The following FANCD2 variants were observed in gnomAD, a reference collection of about 807,000 sequenced individuals.
FANCD2 encodes FA complementation group D2, also known as Fanconi anemia group D2 protein.
Under a neutral mutation model 192.3 loss-of-function variants are expected in FANCD2, and 131 were observed. That is an observed-to-expected ratio of 0.68 (90% CI 0.59 to 0.79). The LOEUF (loss-of-function observed/expected upper bound fraction) is 0.79. Ranked by LOEUF, FANCD2 falls within the 30% of genes least tolerant of loss-of-function variation. The pLI is 0.00. For missense variants in FANCD2, 1,508 were observed against 1,701.6 expected, an observed-to-expected ratio of 0.89 and a Z score of 2.00; for synonymous variants, 524 against 612.5, an observed-to-expected ratio of 0.86 and a Z score of 2.13.
At chr3:10,047,056 A>T (rs77210797) in intron 15 of FANCD2, among the ~76,000 whole-genome samples, 1 of 152,252 alleles carries the variant, frequency 6.6e-6, no homozygotes, top group African/African-American at 2.4e-5. Context: ...AGAAATGTAA[A>T]TTATTCAAAG....
intron 2 of FANCD2, among the ~76,000 whole-genome samples, chr3:10,032,026 G>A (rs905464192): frequency 3.9e-5 from 6 of 152,096 alleles, no homozygotes; most frequent in Admixed American, 3.3e-4. Context: ...TGTATTTTTA[G>A]TAGAGATGGG....
chr3:10,047,729 A>G (rs1442781257), intron 15 of FANCD2, among the ~76,000 whole-genome samples, 188 bp from the exon 16 acceptor site: 1 of 152,256 alleles, frequency 6.6e-6, no homozygotes, highest in African/African-American at 2.4e-5. Context: ...GTGGAATCCC[A>G]TTGATGCTGA....
intron 26 of FANCD2, among the ~76,000 whole-genome samples, chr3:10,069,576 C>CGAG (rs1693051349): frequency 6.6e-6 from 1 of 151,210 alleles, no homozygotes. Flanking sequence ...ATTCTCCTGC[C>CGAG]TCAGCCTGCC....
At chr3:10,070,540 T>C (rs1693168390) in intron 26 of FANCD2, among the ~76,000 whole-genome samples, 1 of 132,524 alleles carries the variant, frequency 7.5e-6, no homozygotes, top group African/African-American at 3.0e-5. Flanking sequence ...AGCCGCCCCG[T>C]CCGGGAGGTG....
chr3:10,101,129 C>A, intron 43 of FANCD2, 59 bp from the exon 44 acceptor site: 1 of 1,292,364 alleles, frequency 7.7e-7, no homozygotes, highest in Non-Finnish European at 1.1e-6. Flanking sequence ...GAGCTGTATT[C>A]CAGAGGTCAC....
rs764807429 is a variant in FANCD2 at position 10,049,428 on chromosome 3, G to C, written c.1468G>C (p.Asp490His). 2 of 1,611,936 alleles carry C rather than the reference G, an allele frequency of 1.2e-6. No homozygotes were observed. The highest frequency in any genetic ancestry group is 2.7e-5 in the African/African-American group (2 of 74,334). Residue 490 changes from aspartate to histidine, a missense_variant, in exon 17 of 44, where the codon GAT becomes CAT. By Grantham distance (81) the Asp-to-His change is moderately conservative (BLOSUM62 -1). Around this residue, in one of 5 missense-constraint regions of FANCD2, gnomAD observed 108 missense variants for 174.1 expected, o/e 0.62. Transcript: ENST00000675286. ...HICSGNEAEV[D>H]TALDVLLELV... ...CTGCAGTGGGAATGAAGCTGAAGTT[G>C]ATACTGCCTTAGATGTCCTTCTAGA...
chr3:10,069,670 G>T (rs1436444869), intron 26 of FANCD2, among the ~76,000 whole-genome samples: 4 of 152,058 alleles, frequency 2.6e-5, no homozygotes, highest in African/African-American at 9.7e-5. Flanking sequence ...CGCTGTGTTG[G>T]CCGGGCCGGT....
At chr3:10,071,160 A>G (rs1693223110) in intron 26 of FANCD2, among the ~76,000 whole-genome samples, 2 of 151,034 alleles carry the variant, frequency 1.3e-5, no homozygotes, top group Admixed American at 6.6e-5. Flanking sequence ...AAAAAAAAAA[A>G]GATGGCTTTT....
chr3:10,086,786 C>T (rs1301318314), intron 33 of FANCD2, among the ~76,000 whole-genome samples: 2 of 152,148 alleles, frequency 1.3e-5, no homozygotes, highest in Non-Finnish European at 2.9e-5. Flanking sequence ...CCTGTGAACC[C>T]AGATTTTACA....
intron 6 of FANCD2, 74 bp from the exon 7 acceptor site, chr3:10,036,213 C>A: frequency 7.6e-7 from 1 of 1,322,848 alleles, no homozygotes; most frequent in South Asian, 1.2e-5. Flanking sequence ...CTCAGCCTCC[C>A]AAGTAGCTGG....
At position 10,098,926 on chromosome 3, in the gene FANCD2, A is replaced by G. The variant is rs191614064; in HGVS notation, c.4281+111A>G. ...CTTATGTTTATTGTCAAATGCTTCT[A>G]TGCCCATTTCCATTCCCTCCATAAC... On this transcript the variant is annotated intron_variant, in intron 43 of 43. Coordinates refer to ENST00000675286, the MANE Select transcript of FANCD2 (RefSeq NM_001018115.3). 28 of 1,614,204 alleles carry G rather than the reference A, an allele frequency of 1.7e-5. No homozygotes were observed. The African/African-American group carries it at 2.8e-4, about 16-fold the overall frequency.
At chr3:10,057,061 A>G (rs2125021853) in intron 18 of FANCD2, among the ~76,000 whole-genome samples, 2 of 152,138 alleles carry the variant, frequency 1.3e-5, no homozygotes, top group Admixed American at 1.3e-4. Flanking sequence ...TTGTCATGTT[A>G]CCCAGACTGG....
At chr3:10,089,771 A>T (rs1193335079) in intron 36 of FANCD2, among the ~76,000 whole-genome samples, 1 of 152,288 alleles carries the variant, frequency 6.6e-6, no homozygotes, top group East Asian at 1.9e-4. Context: ...CCCAGCTGAG[A>T]TATTTTAGCC....
chr3:10,039,738 C>A lies in FANCD2; in HGVS notation c.588C>A (p.Ile196=), dbSNP rs1329768362. 1 of 1,614,096 alleles carries A rather than the reference C, an allele frequency of 6.2e-7. No individual in the cohort carries two copies. Among genetic ancestry groups the A allele is most frequent in the Non-Finnish European group, 8.5e-7 (1 of 1,180,026 alleles). ...TACTGCAGGACCTCACCACCAAGAT[C>A]ATGCAGCTGATCAGTATTGCTCCAG... ...VVDGKDLTTK[I]MQLISIAPEN... Residue 196 remains isoleucine (I), a synonymous_variant, in exon 9 of 44, where the codon ATC becomes ATA. Transcript: ENST00000675286.
chr3:10,069,864 A>C (rs1693083294), intron 26 of FANCD2, among the ~76,000 whole-genome samples: 2 of 152,146 alleles, frequency 1.3e-5, no homozygotes, highest in African/African-American at 4.8e-5. Flanking sequence ...CCGAGATTGC[A>C]GCCTCTGCCC....
intron 7 of FANCD2, 101 bp from the exon 8 acceptor site, chr3:10,039,178 A>G (rs2086801683): frequency 2.5e-6 from 2 of 801,418 alleles, no homozygotes; most frequent in Non-Finnish European, 2.1e-6. Context: ...GTGTTCGGTA[A>G]ATGTTAATGG....
At chr3:10,030,555 T>C (rs1456369622) in intron 2 of FANCD2, among the ~76,000 whole-genome samples, 1 of 152,162 alleles carries the variant, frequency 6.6e-6, no homozygotes, top group Non-Finnish European at 1.5e-5. Flanking sequence ...GTGATTATAA[T>C]GATAAAAATT....
chr3:10,052,073 G>A lies in FANCD2; in HGVS notation c.1546-314G>A, dbSNP rs374761373. 5.3e-5 allele frequency among the ~76,000 whole-genome samples: 8 copies of A among 152,272 alleles called. No individual in the cohort carries two copies. In the South Asian group the frequency reaches 6.2e-4, roughly 12 times the overall value. ...GCATTAGAATGACTAAGCAGTAGAT[G>A]ATTAAAGCCCAGGATTGTGGTTCAG... On this transcript the variant is annotated intron_variant, in intron 17 of 43. Transcript: ENST00000675286.
chr3:10,057,594 A>G (rs1304022337), intron 18 of FANCD2, among the ~76,000 whole-genome samples: 1 of 151,976 alleles, frequency 6.6e-6, no homozygotes, highest in Non-Finnish European at 1.5e-5. Context: ...CAATCTCTTA[A>G]CCTCATGATC....
Sources: gnomAD v4.1 joint callset for allele counts (sites outside exome capture counted in the v4.1 genomes callset) on GRCh38, gnomAD v4.1.1 for gene constraint, gnomAD v4.1.1 regional missense constraint, MANE v1.5 for transcripts, NCBI Gene and HGNC (gene_info 2026-07-23, HGNC 2026-07-21) for gene names.